GRIK4: variants seen among roughly 807,000 people sequenced by gnomAD.
The protein encoded by GRIK4 is glutamate receptor ionotropic, kainate 4.
In GRIK4, 40 loss-of-function variants were observed where a neutral mutation model predicts 104.9. That is an observed-to-expected ratio of 0.38 (90% CI 0.30 to 0.50). The LOEUF is 0.50. Among genes scored for constraint, GRIK4 ranks in the 20% least tolerant of loss-of-function variants. GRIK4 has a pLI of 0.93. For synonymous variants in GRIK4, 485 were observed against 524.9 expected (o/e 0.92, Z 1.04); for missense variants, 1,047 against 1,308.1 (o/e 0.80, Z 3.08).
intron 1 of GRIK4, among the ~76,000 whole-genome samples, chr11:120,561,363 C>G (rs576046985): frequency 3.3e-5 from 5 of 152,338 alleles, no homozygotes; most frequent in Admixed American, 1.3e-4. Context: ...GGGCTTTGAG[C>G]TTTCCTCTCC....
At chr11:120,680,723 T>C (rs1254413440) in intron 3 of GRIK4, among the ~76,000 whole-genome samples, 1 of 152,166 alleles carries the variant, frequency 6.6e-6, no homozygotes, top group East Asian at 1.9e-4. Flanking sequence ...AGCTAAGTTA[T>C]GCAACCTGAA....
chr11:120,849,265 C>G (rs995927882), intron 8 of GRIK4, among the ~76,000 whole-genome samples: 1 of 152,150 alleles, frequency 6.6e-6, no homozygotes, highest in Non-Finnish European at 1.5e-5. Flanking sequence ...GAACAAGACC[C>G]TGGAGACTAC....
rs1224396591 is a variant in GRIK4 at position 120,699,530 on chromosome 11, GGTGTGTGTATGTGTGTGT to G, written c.82+39139_82+39156del. 1.3e-3 allele frequency among the ~76,000 whole-genome samples: 174 copies of G among 135,064 alleles called. 2 individuals carry two copies. Among genetic ancestry groups the G allele is most frequent in the African/African-American group, 4.5e-3 (156 of 35,010 alleles). 88.6% of individuals were successfully genotyped at this position (135,064 alleles called of 152,430 possible). A position where few individuals can be genotyped will look rare whatever the true frequency, so the allele number is the denominator to read the frequency against. On this transcript the variant is annotated intron_variant, in intron 3 of 20. Coordinates refer to ENST00000527524, the MANE Select transcript of GRIK4 (RefSeq NM_014619.5). ...CATGAGGAATATAAACAGTAAGTCA[GGTGTGTGTATGTGTGTGT>G]GTGTGTGTGTGTGTGTGTGTGTGTG... is the stretch of plus-strand genomic sequence containing the variant.
intron 3 of GRIK4, among the ~76,000 whole-genome samples, chr11:120,692,103 C>G (rs1375961035): frequency 3.9e-5 from 6 of 152,138 alleles, no homozygotes; most frequent in Non-Finnish European, 8.8e-5. Context: ...GCTGCTGGGC[C>G]CAACAAGGCA....
Position 120,981,142 on chromosome 11 carries a change from T to C in GRIK4, c.2396-964T>C, listed in dbSNP as rs559458107. 5.0e-4 allele frequency among the ~76,000 whole-genome samples: 76 copies of C among 152,290 alleles called. 1 individual carries two copies. The highest frequency in any genetic ancestry group is 1.6e-3 in the African/African-American group (66 of 41,554). On this transcript the variant is annotated intron_variant, in intron 19 of 20. Transcript: ENST00000527524. ...ATGAAAGATGCCTTTTGATTTCTGA[T>C]TGTGGCCCCAGTTGAATCAGGGTGT...
At chr11:120,787,391 A>G (rs566387681) in intron 3 of GRIK4, among the ~76,000 whole-genome samples, 1 of 152,060 alleles carries the variant, frequency 6.6e-6, no homozygotes, top group African/African-American at 2.4e-5. Flanking sequence ...AAATATTGAA[A>G]TTAATTTTTT....
At chr11:120,836,022 C>A (rs1258808708) in intron 7 of GRIK4, among the ~76,000 whole-genome samples, 1 of 152,198 alleles carries the variant, frequency 6.6e-6, no homozygotes, top group Non-Finnish European at 1.5e-5. Context: ...TTTCCGACGT[C>A]ACTGCAGATT....
intron 13 of GRIK4, among the ~76,000 whole-genome samples, chr11:120,928,246 G>C (rs1367223845): frequency 6.7e-6 from 1 of 148,766 alleles, no homozygotes; most frequent in Non-Finnish European, 1.5e-5. Context: ...AAGGCGACAC[G>C]GAGAAAAATG....
At chr11:120,937,727 G>A (rs1943628988) in intron 13 of GRIK4, among the ~76,000 whole-genome samples, 1 of 152,212 alleles carries the variant, frequency 6.6e-6, no homozygotes, top group Non-Finnish European at 1.5e-5. Flanking sequence ...CCCTTGGCAT[G>A]TGGTCATTCT....
At chr11:120,551,207 C>T (rs1948136391) in intron 1 of GRIK4, among the ~76,000 whole-genome samples, 1 of 152,100 alleles carries the variant, frequency 6.6e-6, no homozygotes, top group Non-Finnish European at 1.5e-5. Flanking sequence ...TTCCTGTTTG[C>T]TTTTGTATAT....
At chr11:120,985,878 G>A (rs1295316059) in intron 20 of GRIK4, 26 bp from the exon 21 acceptor site, 2 of 1,549,764 alleles carry the variant, frequency 1.3e-6, no homozygotes, top group African/African-American at 1.4e-5. Flanking sequence ...TGAGAGGCTG[G>A]GCCCTGACCT....
At chr11:120,812,579 T>G (rs1356431740) in intron 4 of GRIK4, among the ~76,000 whole-genome samples, 1 of 152,194 alleles carries the variant, frequency 6.6e-6, no homozygotes, top group Non-Finnish European at 1.5e-5. Context: ...CACAGCAACC[T>G]TATGAGAGAG....
intron 3 of GRIK4, among the ~76,000 whole-genome samples, chr11:120,721,104 G>A (rs1950926264): frequency 1.3e-5 from 2 of 152,266 alleles, no homozygotes; most frequent in South Asian, 4.2e-4. Context: ...ACTGTCTAAT[G>A]AAGGGTTTAT....
intron 14 of GRIK4, among the ~76,000 whole-genome samples, chr11:120,945,853 G>A (rs1943846377): frequency 3.3e-5 from 5 of 152,188 alleles, no homozygotes; most frequent in Admixed American, 1.3e-4. Flanking sequence ...ATCAGAATCC[G>A]TGGCTAGGGC....
intron 8 of GRIK4, among the ~76,000 whole-genome samples, chr11:120,839,038 T>C (rs1452257287): frequency 1.3e-5 from 2 of 152,190 alleles, no homozygotes; most frequent in African/African-American, 2.4e-5. Context: ...CTGCCTGCCT[T>C]GGCCTCCAAA....
chr11:120,592,411 C>T (rs940798277), intron 1 of GRIK4, among the ~76,000 whole-genome samples: 5 of 152,200 alleles, frequency 3.3e-5, no homozygotes, highest in Admixed American at 6.5e-5. Flanking sequence ...TCTTTAATGA[C>T]GAACCCTGAG....
At chr11:120,815,242 G>A (rs1359203475) in intron 4 of GRIK4, 136 bp from the exon 5 acceptor site, 3 of 606,518 alleles carry the variant, frequency 4.9e-6, no homozygotes, top group Non-Finnish European at 8.8e-6. Context: ...GGTTTCGAAG[G>A]GTTGGAGCAG....
At chr11:120,583,651 C>G (rs1305371905) in intron 1 of GRIK4, among the ~76,000 whole-genome samples, 3 of 152,162 alleles carry the variant, frequency 2.0e-5, no homozygotes, top group Non-Finnish European at 4.4e-5. Context: ...TAACAGGATG[C>G]CTCCAGCTTT....
chr11:120,753,099 G>C (rs1226108144), intron 3 of GRIK4, among the ~76,000 whole-genome samples: 2 of 152,278 alleles, frequency 1.3e-5, no homozygotes, highest in African/African-American at 4.8e-5. Flanking sequence ...CTTTACAGGA[G>C]AGCAGCTGAG....
Sources: allele counts gnomAD v4.1 joint callset (sites outside exome capture counted in the v4.1 genomes callset), GRCh38; gene constraint gnomAD v4.1.1; transcripts MANE v1.5; gene names NCBI Gene and HGNC (gene_info 2026-07-23, HGNC 2026-07-21).